The following PCDHA5 variants were observed in gnomAD, a reference collection of about 807,000 sequenced individuals.
PCDHA5 encodes the protein protocadherin alpha-5.
PCDHA5 carries 43 observed loss-of-function variants against 61.6 expected under a neutral mutation model. The observed-to-expected ratio is 0.70, with a 90% confidence interval of 0.55 to 0.90. PCDHA5 has a LOEUF of 0.90. Among genes scored for constraint, PCDHA5 ranks in the 40% least tolerant of loss-of-function variants. The pLI, the probability that PCDHA5 is intolerant of heterozygous loss-of-function variation, is 0.00. For missense variants in PCDHA5, 1,298 were observed against 1,222.7 expected (o/e 1.06, Z -0.92); for synonymous variants, 627 against 543.9 (o/e 1.15, Z -2.13).
rs564683374 is a variant in PCDHA5 at position 140,850,519 on chromosome 5, C to A, written c.2352+26392C>A. 1.1e-5 allele frequency: 17 copies of A among 1,598,126 alleles called. 1 individual carries two copies. Among genetic ancestry groups the A allele is most frequent in the Admixed American group, 1.7e-5 (1 of 59,294 alleles). On this transcript the variant is annotated intron_variant, in intron 1 of 3. Coordinates refer to ENST00000529859, the MANE Select transcript of PCDHA5 (RefSeq NM_018908.3). ...GTGTCGCTGGTGGAGAGCGGCCAGG[C>A]GCCAAAGTCATCGTCGCGGGCGTCA...
intron 1 of PCDHA5, chr5:140,860,705 T>C (rs1444620274): frequency 6.6e-6 from 1 of 152,242 alleles, no homozygotes; most frequent in Non-Finnish European, 1.5e-5. Context: ...ATATTGTTGT[T>C]CTCCATGAAA....
At chr5:140,877,585 T>A (rs2057227188) in intron 1 of PCDHA5, 1 of 1,613,836 alleles carries the variant, frequency 6.2e-7, no homozygotes, top group Non-Finnish European at 8.5e-7. Flanking sequence ...CATCGCCATC[T>A]GTGCGGTGTC....
intron 1 of PCDHA5, among the ~76,000 whole-genome samples, chr5:140,973,136 C>G (rs2096573800): frequency 6.6e-6 from 1 of 152,168 alleles, no homozygotes; most frequent in Admixed American, 6.5e-5. Context: ...TTTGCATTCA[C>G]TTTCACTTAT....
At chr5:140,877,207 G>T in intron 1 of PCDHA5, 1 of 1,613,796 alleles carries the variant, frequency 6.2e-7, no homozygotes, top group Non-Finnish European at 8.5e-7. Flanking sequence ...CGCAGTTAGC[G>T]AGTTGGTACC....
At chr5:140,988,874 T>G (rs1407460154) in intron 3 of PCDHA5, 2 of 152,194 alleles carry the variant, frequency 1.3e-5, no homozygotes, top group Non-Finnish European at 1.5e-5. Flanking sequence ...CACTCAGATG[T>G]ACGATCCTGG....
intron 1 of PCDHA5, among the ~76,000 whole-genome samples, chr5:140,889,433 G>A (rs994872798): frequency 8.6e-5 from 13 of 151,828 alleles, no homozygotes; most frequent in Non-Finnish European, 1.9e-4. Context: ...TATTTTTTCA[G>A]GTATTTTCCT....
At chr5:140,882,129 T>C (rs2153382855) in intron 1 of PCDHA5, 5 of 1,473,110 alleles carry the variant, frequency 3.4e-6, no homozygotes, top group Non-Finnish European at 2.7e-6. Context: ...TCTTTCTTCC[T>C]GCAGAAAATA....
At chr5:140,960,112 T>C (rs145534809) in intron 1 of PCDHA5, among the ~76,000 whole-genome samples, 45 of 152,352 alleles carry the variant, frequency 3.0e-4, no homozygotes, top group Non-Finnish European at 4.3e-4. Flanking sequence ...GTGGGAACAA[T>C]AGTATTCCTT....
chr5:140,858,703 T>C lies in PCDHA5; in HGVS notation c.2352+34576T>C, dbSNP rs918251691. 1.1e-5 allele frequency: 6 copies of C among 560,482 alleles called. 2 individuals carry two copies. The highest frequency in any genetic ancestry group is 1.8e-5 in the Non-Finnish European group (6 of 325,182). 34.7% of individuals were successfully genotyped at this position (560,482 alleles called of 1,614,324 possible). ...ACACTAATATTTTCCAATACAAATATGTGATATAGGTTGCAGTTCTGACGA... is the reference window on the plus strand; with the variant it reads ...ACACTAATATTTTCCAATACAAATACGTGATATAGGTTGCAGTTCTGACGA... On this transcript the variant is annotated intron_variant, in intron 1 of 3. Coordinates refer to ENST00000529859, the MANE Select transcript of PCDHA5 (RefSeq NM_018908.3).
intron 1 of PCDHA5, chr5:140,841,595 C>T (rs2150318765): frequency 2.5e-6 from 4 of 1,614,060 alleles, no homozygotes; most frequent in East Asian, 2.2e-5. Flanking sequence ...TCGGATCGAC[C>T]GCGAGGAGCT....
In PCDHA5 at chr5:140,823,028, C is replaced by T. The variant is rs2150121496; in HGVS notation, c.1253C>T (p.Ser418Leu). Residue 418 changes from serine (S) to leucine (L), a missense_variant, in exon 1 of 4, where the codon TCG (serine) becomes TTG (leucine). Coordinates refer to ENST00000529859, the MANE Select transcript of PCDHA5 (RefSeq NM_018908.3). ...AGCGCCCTGGACCGCGAGAGCGTGT[C>T]GGTCTATGAGCTGGTGGTGACCGCG... ...LDSALDRESV[S>L]VYELVVTARD... 16 of 1,614,206 alleles carry T rather than the reference C, an allele frequency of 9.9e-6. No individual in the cohort carries two copies. Among genetic ancestry groups the T allele is most frequent in the South Asian group, 9.9e-5 (9 of 91,088 alleles).
At chr5:140,898,583 G>C (rs1179481608) in intron 1 of PCDHA5, among the ~76,000 whole-genome samples, 2 of 152,124 alleles carry the variant, frequency 1.3e-5, no homozygotes, top group African/African-American at 4.8e-5. Context: ...TGCTGTTTTG[G>C]TTACTGTAGC....
chr5:140,882,391 C>T, intron 1 of PCDHA5: 2 of 1,614,214 alleles, frequency 1.2e-6, no homozygotes, highest in Non-Finnish European at 8.5e-7. Context: ...AAGCAAAACA[C>T]GGCACCTTCG....
At chr5:141,006,662 G>A (rs1198129323) in intron 3 of PCDHA5, among the ~76,000 whole-genome samples, 1 of 152,192 alleles carries the variant, frequency 6.6e-6, no homozygotes, top group Admixed American at 6.5e-5. Context: ...TCCTGAAAGA[G>A]TGGTGGCAGT....
chr5:140,843,246 C>G (rs1554139882), intron 1 of PCDHA5: 9 of 1,595,918 alleles, frequency 5.6e-6, no homozygotes, highest in Middle Eastern at 1.7e-4. Flanking sequence ...GAAGCGGACT[C>G]TCCGCGCCAC....
At chr5:140,843,932 T>A (rs1404352255) in intron 1 of PCDHA5, 1 of 583,528 alleles carries the variant, frequency 1.7e-6, no homozygotes, top group Admixed American at 3.5e-5. Flanking sequence ...ACTCAAGTTA[T>A]GGTTGGATGA....
At chr5:140,985,075 C>G (rs1477852280) in intron 3 of PCDHA5, among the ~76,000 whole-genome samples, 2 of 151,968 alleles carry the variant, frequency 1.3e-5, no homozygotes, top group Non-Finnish European at 2.9e-5. Context: ...GTAGCTGAGA[C>G]TACAGGCGTG....
At position 140,836,402 on chromosome 5, in the gene PCDHA5, C is replaced by T. The variant is rs1695178893; in HGVS notation, c.2352+12275C>T. The T allele has an allele frequency of 1.9e-6, 3 of 1,613,680 alleles. No homozygotes were observed. The South Asian group carries it at 3.3e-5, about 18-fold the overall frequency. On this transcript the variant is annotated intron_variant, in intron 1 of 3. Transcript: ENST00000529859. Reference sequence around the variant, plus strand: ...TGCTGGTGTCGCTGGTGGAAAGCGGCCAGGCACCAAAGGCGTCGTCGCGGG... The same window carrying T: ...TGCTGGTGTCGCTGGTGGAAAGCGGTCAGGCACCAAAGGCGTCGTCGCGGG...
In PCDHA5 at chr5:141,010,436, G is replaced by C; in HGVS notation, c.*499G>C. 2 of 1,038,344 alleles carry C rather than the reference G, an allele frequency of 1.9e-6. No individual in the cohort carries two copies. Among genetic ancestry groups the C allele is most frequent in the Admixed American group, 5.8e-5 (2 of 34,296 alleles). The allele number at this position is 1,038,344 out of a possible 1,614,324, so 64.3% of individuals were successfully genotyped here. A position where few individuals can be genotyped will look rare whatever the true frequency, so the allele number is the denominator to read the frequency against. On this transcript the variant is annotated 3_prime_UTR_variant, in exon 4 of 4. Coordinates refer to ENST00000529859, the MANE Select transcript of PCDHA5 (RefSeq NM_018908.3). The stretch of plus-strand genomic sequence containing the variant: ...GGTACAAGGAAGGCAAGAAAACAAA[G>C]ACAAATAAACAGCGGAAGTTATCAG...
Sources: allele counts gnomAD v4.1 joint callset (sites outside exome capture counted in the v4.1 genomes callset), GRCh38; gene constraint gnomAD v4.1.1; transcripts MANE v1.5; gene names NCBI Gene and HGNC (gene_info 2026-07-23, HGNC 2026-07-21).